Variants in WDR70 observed in about 807,000 individuals in gnomAD.
WDR70 encodes WD repeat-containing protein 70.
In WDR70, 53 loss-of-function variants were observed where a neutral mutation model predicts 88.6. The ratio of observed to expected loss-of-function variants is 0.60; its 90% confidence interval spans 0.48 to 0.75. WDR70 has a LOEUF of 0.75. WDR70 is among the 30% of genes least tolerant of loss of function. WDR70 has a pLI of 0.00. For synonymous variants in WDR70, 280 were observed against 270.0 expected (o/e 1.04, Z -0.36); for missense variants, 610 against 823.2 (o/e 0.74, Z 3.17).
chr5:37,561,866 GT>G (rs1448267745), intron 9 of WDR70, among the ~76,000 whole-genome samples: 1 of 152,120 alleles, frequency 6.6e-6, no homozygotes, highest in Admixed American at 6.5e-5. Flanking sequence ...ATTGTTTCAT[GT>G]GTTATTGTGG....
At chr5:37,710,369 T>G (rs923412421) in intron 13 of WDR70, among the ~76,000 whole-genome samples, 17 of 152,194 alleles carry the variant, frequency 1.1e-4, no homozygotes, top group Middle Eastern at 3.4e-3. Flanking sequence ...ACACCCCCTC[T>G]TCCACCCCCA....
chr5:37,521,912 T>A (rs10053688), intron 9 of WDR70, among the ~76,000 whole-genome samples: 5,284 of 152,296 alleles, frequency 0.035, 316 homozygotes, highest in African/African-American at 0.12. Flanking sequence ...CTGGATCAAA[T>A]GGTACATCTA....
chr5:37,595,486 A>T (rs1245227042), intron 9 of WDR70, among the ~76,000 whole-genome samples: 1 of 152,220 alleles, frequency 6.6e-6, no homozygotes, highest in Non-Finnish European at 1.5e-5. Context: ...GGATCAGAAG[A>T]GTCAATAGTA....
At chr5:37,653,504 A>C (rs549811057) in intron 10 of WDR70, among the ~76,000 whole-genome samples, 5 of 152,160 alleles carry the variant, frequency 3.3e-5, no homozygotes, top group Admixed American at 2.0e-4. Context: ...GGATAGTTTC[A>C]GAAGGGATGG....
At chr5:37,527,910 A>G (rs1741347973) in intron 9 of WDR70, among the ~76,000 whole-genome samples, 1 of 152,228 alleles carries the variant, frequency 6.6e-6, no homozygotes, top group African/African-American at 2.4e-5. Context: ...AGAGAAATTC[A>G]AATCAAAACC....
At chr5:37,728,985 G>C (rs191584673) in intron 17 of WDR70, among the ~76,000 whole-genome samples, 22 of 151,924 alleles carry the variant, frequency 1.4e-4, no homozygotes, top group Admixed American at 1.0e-3. Flanking sequence ...TTAAAATATT[G>C]GTATGGTCTC....
At chr5:37,578,532 T>G (rs1171606979) in intron 9 of WDR70, among the ~76,000 whole-genome samples, 1 of 152,222 alleles carries the variant, frequency 6.6e-6, no homozygotes, top group Non-Finnish European at 1.5e-5. Context: ...TTCACTGATT[T>G]CTTGGCTGTG....
rs548587378 is a variant in WDR70 at position 37,571,710 on chromosome 5, CTT to C, written c.918-33352_918-33351del. On this transcript the variant is annotated intron_variant, in intron 9 of 17. Coordinates refer to ENST00000265107, the MANE Select transcript of WDR70 (RefSeq NM_018034.4). ...AGATGCCTTATATTTTTGGTTGTAA[CTT>C]TGAAAATTGGCAACATCCCTTCTCC... Among the ~76,000 whole-genome samples, 437 of 152,208 alleles carry C rather than the reference CTT, an allele frequency of 2.9e-3. 1 individual carries two copies. The highest frequency in any genetic ancestry group is 9.8e-3 in the African/African-American group (408 of 41,530).
chr5:37,748,653 A>G (rs1315780869), intron 17 of WDR70, among the ~76,000 whole-genome samples: 1 of 152,230 alleles, frequency 6.6e-6, no homozygotes, highest in Non-Finnish European at 1.5e-5. Context: ...GCACAGCAAA[A>G]GAAACTATCA....
chr5:37,751,954 TA>T (rs1354949252), intron 17 of WDR70, among the ~76,000 whole-genome samples: 5 of 152,234 alleles, frequency 3.3e-5, no homozygotes, highest in African/African-American at 1.2e-4. Context: ...ATGCGGGGGA[TA>T]TTCGTTTTCT....
Position 37,721,231 on chromosome 5 carries a change from T to G in WDR70, c.1517+16T>G. ...AGAGTCAGAGGTATTTCATAAGTAT[T>G]GCCTGTTTTAGATGGATGACAACAA... On this transcript the variant is annotated intron_variant, in intron 14 of 17. Transcript: ENST00000265107. The G allele has an allele frequency of 6.2e-7, 1 of 1,610,246 alleles. No individual in the cohort carries two copies. The highest frequency in any genetic ancestry group is 8.5e-7 in the Non-Finnish European group (1 of 1,176,752).
At chr5:37,680,769 T>C (rs1035453375) in intron 10 of WDR70, among the ~76,000 whole-genome samples, 3 of 152,202 alleles carry the variant, frequency 2.0e-5, no homozygotes, top group Non-Finnish European at 4.4e-5. Context: ...TGTCTGTTCT[T>C]GTACCAGTAC....
intron 8 of WDR70, among the ~76,000 whole-genome samples, chr5:37,485,608 C>A (rs925846883): frequency 6.6e-6 from 1 of 152,000 alleles, no homozygotes; most frequent in South Asian, 2.1e-4. Context: ...TTCATTCAGG[C>A]GTGAGTGCTG....
chr5:37,396,717 G>A (rs1749025607), intron 5 of WDR70, 147 bp downstream of exon 5: 1 of 1,343,800 alleles, frequency 7.4e-7, no homozygotes, highest in African/African-American at 1.5e-5. Flanking sequence ...TGTAATCCCA[G>A]TTACTTGGAA....
intron 8 of WDR70, among the ~76,000 whole-genome samples, chr5:37,496,864 T>C (rs1175491544): frequency 6.6e-6 from 1 of 152,104 alleles, no homozygotes; most frequent in Non-Finnish European, 1.5e-5. Flanking sequence ...AGGCTATGCA[T>C]TGGATTAAGA....
At chr5:37,697,912 T>C (rs2112651933) in intron 11 of WDR70, 158 bp downstream of exon 11, 1 of 529,206 alleles carries the variant, frequency 1.9e-6, no homozygotes, top group East Asian at 3.0e-5. Context: ...ATTTCTAACT[T>C]TGCAACATTG....
chr5:37,394,729 G>A (rs1371827271), intron 4 of WDR70, among the ~76,000 whole-genome samples: 1 of 152,126 alleles, frequency 6.6e-6, no homozygotes, highest in African/African-American at 2.4e-5. Flanking sequence ...CTATGGGAAG[G>A]GTAAGTCAGC....
At chr5:37,492,267 C>T (rs909839995) in intron 8 of WDR70, among the ~76,000 whole-genome samples, 13 of 152,244 alleles carry the variant, frequency 8.5e-5, no homozygotes, top group African/African-American at 2.4e-4. Context: ...GTTCCATATT[C>T]GTAATTCACT....
intron 10 of WDR70, among the ~76,000 whole-genome samples, chr5:37,654,145 CTT>C (rs1398144768): frequency 5.9e-5 from 9 of 152,250 alleles, no homozygotes; most frequent in African/African-American, 1.9e-4. Flanking sequence ...TATGTTGAGT[CTT>C]TGTTTTCATT....
Sources: allele counts gnomAD v4.1 joint callset (sites outside exome capture counted in the v4.1 genomes callset), GRCh38; gene constraint gnomAD v4.1.1; transcripts MANE v1.5; gene names NCBI Gene and HGNC (gene_info 2026-07-23, HGNC 2026-07-21).